The following TPR variants were observed in gnomAD, a reference collection of about 807,000 sequenced individuals.
TPR encodes the protein nucleoprotein TPR.
A neutral mutation model predicts 316.1 loss-of-function variants in TPR; 51 were observed. The ratio of observed to expected loss-of-function variants is 0.16; its 90% confidence interval spans 0.13 to 0.20. The LOEUF is 0.20. TPR is among the 10% of genes least tolerant of loss of function. The pLI is 1.00. For synonymous variants in TPR, 981 were observed against 914.7 expected (o/e 1.07, Z -1.31); for missense variants, 2,272 against 2,754.8 (o/e 0.82, Z 3.92).
chr1:186,317,549 C>T lies in TPR; in HGVS notation c.6873G>A (p.Pro2291=), dbSNP rs373941478. 48 of 1,613,962 alleles carry T rather than the reference C, an allele frequency of 3.0e-5. No homozygotes were observed. The highest frequency in any genetic ancestry group is 1.6e-4 in the Middle Eastern group (1 of 6,076). The part of the protein sequence containing the change: ...LEIDSQQEEE[P]VQASDESDLP... ...GATCTGACTCATCAGATGCTTGAAC[C>T]GGCTCTTCTTCCTGCTGGCTATCAA... is the stretch of plus-strand genomic sequence containing the variant. The change falls in exon 49 of 51, where the codon CCG becomes CCA. Residue 2291 remains proline (P), a synonymous_variant. Transcript: ENST00000367478.
At chr1:186,367,221 A>T (rs1042500863) in intron 4 of TPR, among the ~76,000 whole-genome samples, 1 of 152,020 alleles carries the variant, frequency 6.6e-6, no homozygotes, top group East Asian at 1.9e-4. Flanking sequence ...GCGTGCCACC[A>T]TGACTGGCTA....
At chr1:186,345,204 T>A (rs1658640779) in intron 24 of TPR, among the ~76,000 whole-genome samples, 1 of 152,210 alleles carries the variant, frequency 6.6e-6, no homozygotes. Context: ...TGGTAATGCA[T>A]TAACAATGTT....
At chr1:186,338,275 AAT>A (rs1388884468) in intron 30 of TPR, 32 bp from the exon 31 acceptor site, 1 of 1,540,276 alleles carries the variant, frequency 6.5e-7, no homozygotes, top group Non-Finnish European at 8.8e-7. Context: ...AGAAAGATTA[AAT>A]ATATGAGACA....
chr1:186,313,944 T>C lies in TPR; in HGVS notation c.*27A>G. The C allele has an allele frequency of 2.5e-6, 4 of 1,605,202 alleles. No homozygotes were observed. The African/African-American group carries it at 5.3e-5, about 21-fold the overall frequency. On this transcript the variant is annotated 3_prime_UTR_variant, in exon 51 of 51. Transcript: ENST00000367478. ...ACTAAAACAGATTTGATAATCTTATTCACAGTTGTTATTGTTTACAGACCA... is the reference window on the plus strand; with the variant it reads ...ACTAAAACAGATTTGATAATCTTATCCACAGTTGTTATTGTTTACAGACCA...
In TPR at chr1:186,340,693, A is replaced by C. The variant is rs549022695; in HGVS notation, c.4020+335T>G. Among the ~76,000 whole-genome samples the C allele has an allele frequency of 1.3e-4, 20 of 152,274 alleles. No homozygotes were observed. In the South Asian group the frequency reaches 4.1e-3, roughly 32 times the overall value. On this transcript the variant is annotated intron_variant, in intron 29 of 50. Coordinates refer to ENST00000367478, the MANE Select transcript of TPR (RefSeq NM_003292.3). ...CAATCCTCCCATCTTGGCTTCCGAA[A>C]GTGCTGGGATTACAGGCATGAGCCA... is the stretch of plus-strand genomic sequence containing the variant.
At chr1:186,339,816 A>G in intron 29 of TPR, 44 bp from the exon 30 acceptor site, 1 of 1,510,396 alleles carries the variant, frequency 6.6e-7, no homozygotes. Context: ...AGGTTTTATG[A>G]AACAAATGTG....
At chr1:186,317,222 T>C (rs573645494) in intron 49 of TPR, among the ~76,000 whole-genome samples, 1 of 152,334 alleles carries the variant, frequency 6.6e-6, no homozygotes, top group South Asian at 2.1e-4. Context: ...TGACAACCAA[T>C]AGTCTAGATG....
At chr1:186,365,659 C>T (rs996792558) in intron 4 of TPR, among the ~76,000 whole-genome samples, 1 of 152,188 alleles carries the variant, frequency 6.6e-6, no homozygotes, top group Admixed American at 6.5e-5. Context: ...AAGAGGCCAT[C>T]CCTTCTTTTT....
In TPR at chr1:186,320,306, A is replaced by G. The variant is rs746524149; in HGVS notation, c.6568+6T>C. The stretch of plus-strand genomic sequence containing the variant: ...ATTCAGGGGATCTAAAGGTTTAACT[A>G]TTTACCTCCTTGAGAAGCAAGCTGG... On this transcript the variant is annotated splice_donor_region_variant and intron_variant, in intron 46 of 50. Transcript: ENST00000367478. The G allele has an allele frequency of 1.2e-6, 2 of 1,605,454 alleles. No homozygotes were observed. The highest frequency in any genetic ancestry group is 1.1e-5 in the South Asian group (1 of 89,644).
chr1:186,330,384 T>C (rs1658123054), intron 39 of TPR, among the ~76,000 whole-genome samples: 1 of 152,114 alleles, frequency 6.6e-6, no homozygotes, highest in South Asian at 2.1e-4. Context: ...TGCAGACACC[T>C]TAAGCTAGTT....
chr1:186,320,659 T>C (rs1307788683), intron 45 of TPR, among the ~76,000 whole-genome samples: 3 of 152,186 alleles, frequency 2.0e-5, no homozygotes, highest in Non-Finnish European at 4.4e-5. Context: ...AATTTTCAGC[T>C]CTCCTGAACT....
chr1:186,344,179 A>G, intron 25 of TPR, 89 bp from the exon 26 acceptor site: 2 of 1,458,622 alleles, frequency 1.4e-6, no homozygotes, highest in South Asian at 1.4e-5. Flanking sequence ...TAACGCCTGT[A>G]ATCCCGACTA....
Position 186,358,699 on chromosome 1 carries a change from T to C in TPR, c.1390-49A>G, listed in dbSNP as rs773190622. ...AAATTTTGTACTTCCTTCTAGGATT[T>C]ATACAAGTAATAAAGACATACAATA... On this transcript the variant is annotated intron_variant, in intron 12 of 50. Coordinates refer to ENST00000367478, the MANE Select transcript of TPR (RefSeq NM_003292.3). 2.7e-6 allele frequency: 4 copies of C among 1,489,260 alleles called. No homozygotes were observed. In the African/African-American group the frequency reaches 5.5e-5, roughly 21 times the overall value. The allele number at this position is 1,489,260 out of a possible 1,614,324, so 92.3% of individuals were successfully genotyped here. A position where few individuals can be genotyped will look rare whatever the true frequency, so the allele number is the denominator to read the frequency against.
rs774384950 is a variant in TPR at position 186,331,511 on chromosome 1, T to C, written c.5675A>G (p.Asp1892Gly). The C allele has an allele frequency of 6.2e-7, 1 of 1,607,976 alleles. No individual in the cohort carries two copies. The highest frequency in any genetic ancestry group is 1.1e-5 in the South Asian group (1 of 90,066). Residue 1892 changes from aspartate (D) to glycine (G), a missense_variant, in exon 39 of 51, where the codon GAT becomes GGT. Asp to Gly is a moderately conservative substitution (Grantham distance 94). Transcript: ENST00000367478. ...ETQVYNQDSQ[D>G]SIGEGVTQGD... ...GTTTTTACTTACTTCTCCAATGGAA[T>C]CTTGAGAATCCTGGTTGTATACCTG...
At chr1:186,329,257 T>C (rs963180417) in intron 39 of TPR, among the ~76,000 whole-genome samples, 12 of 152,220 alleles carry the variant, frequency 7.9e-5, no homozygotes, top group Non-Finnish European at 1.8e-4. Flanking sequence ...GAAAATCTTA[T>C]TATTTTCAAA....
chr1:186,343,395 C>T lies in TPR; in HGVS notation c.3681G>A (p.Arg1227=). Residue 1227 remains arginine (R), a synonymous_variant, in exon 27 of 51, where the codon AGG becomes AGA. Transcript: ENST00000367478. ...AQVESLRYRQ[R]VELLERELQE... is the part of the protein sequence containing the mutation. Reference sequence around the variant, plus strand: ...GCAGCTCTCTTTCTAAAAGTTCAACCCTTTGTCGATAACGCAGACTCTCAA... The same window carrying T: ...GCAGCTCTCTTTCTAAAAGTTCAACTCTTTGTCGATAACGCAGACTCTCAA... 6.2e-7 allele frequency: 1 copy of T among 1,614,078 alleles called. No individual in the cohort carries two copies. The highest frequency in any genetic ancestry group is 8.5e-7 in the Non-Finnish European group (1 of 1,179,980).
intron 3 of TPR, among the ~76,000 whole-genome samples, chr1:186,370,648 T>G (rs1236804154): frequency 1.3e-5 from 2 of 152,062 alleles, no homozygotes; most frequent in Non-Finnish European, 2.9e-5. Context: ...ATATTCAAAC[T>G]GTCATTCTTA....
chr1:186,343,967 G>T lies in TPR; in HGVS notation c.3541C>A (p.Pro1181Thr), dbSNP rs763921655. ...TCTTCACTGAGAGATACATTCAGTG[G>T]ACCTTGTACACCTTCCTTCACAGAG... is the stretch of plus-strand genomic sequence containing the variant. ...VASVKEGVQG[P>T]LNVSLSEEGK... Residue 1181 changes from proline (P) to threonine (T), a missense_variant, in exon 26 of 51, where the codon CCA becomes ACA. Physicochemically the swap from Pro to Thr is conservative, Grantham distance 38. Coordinates refer to ENST00000367478, the MANE Select transcript of TPR (RefSeq NM_003292.3). 6.2e-7 allele frequency: 1 copy of T among 1,614,034 alleles called. No individual in the cohort carries two copies. The highest frequency in any genetic ancestry group is 1.7e-5 in the Admixed American group (1 of 60,000).
intron 21 of TPR, among the ~76,000 whole-genome samples, chr1:186,347,787 C>T (rs905153775): frequency 6.6e-6 from 1 of 152,126 alleles, no homozygotes; most frequent in African/African-American, 2.4e-5. Context: ...TACGGGAAGT[C>T]AGGGACCCCG....
Sources: allele counts gnomAD v4.1 joint callset (sites outside exome capture counted in the v4.1 genomes callset), GRCh38; gene constraint gnomAD v4.1.1; transcripts MANE v1.5; gene names NCBI Gene and HGNC (gene_info 2026-07-23, HGNC 2026-07-21).